CFDP1: variants seen among roughly 807,000 people sequenced by gnomAD.
CFDP1 encodes chromatin remodeling protein CFDP1, also known as heterochromatin-stabilizing protein CFDP1.
CFDP1 carries 31 observed loss-of-function variants against 40.1 expected under a neutral mutation model. The ratio of observed to expected loss-of-function variants is 0.77; its 90% confidence interval spans 0.58 to 1.04. The LOEUF is 1.04. Ranked by LOEUF, CFDP1 falls within the 50% of genes least tolerant of loss-of-function variation. CFDP1 has a pLI of 0.00. For missense variants in CFDP1, 423 were observed against 343.4 expected (o/e 1.23, Z -1.83); for synonymous variants, 167 against 120.0 (o/e 1.39, Z -2.56).
chr16:75,368,999 T>G (rs1377481550), intron 5 of CFDP1, among the ~76,000 whole-genome samples: 5 of 152,206 alleles, frequency 3.3e-5, no homozygotes, highest in African/African-American at 1.2e-4. Flanking sequence ...AATATTCCAA[T>G]ACTTGCACAA....
In CFDP1 at chr16:75,412,646, T is replaced by G; in HGVS notation, c.291A>C (p.Glu97Asp). The G allele has an allele frequency of 6.2e-7, 1 of 1,614,180 alleles. No individual in the cohort carries two copies. Among genetic ancestry groups the G allele is most frequent in the Admixed American group, 1.7e-5 (1 of 60,004 alleles). The change falls in exon 3 of 7, where the codon GAA (glutamate) becomes GAC (aspartate). Residue 97 changes from glutamate to aspartate, a missense_variant. Transcript: ENST00000283882. ...TGGCATCCTCTGATCCAATGCCTTT[T>G]TCCTGCTCTGCAGCGTCATCTTCCT... ...SEEEDDAAEQ[E>D]KGIGSEDARK...
intron 5 of CFDP1, among the ~76,000 whole-genome samples, chr16:75,312,955 G>C (rs1401456115): frequency 6.6e-6 from 1 of 152,200 alleles, no homozygotes; most frequent in Non-Finnish European, 1.5e-5. Flanking sequence ...TGAAGTGACA[G>C]TGAAATGGAC....
intron 1 of CFDP1, among the ~76,000 whole-genome samples, chr16:75,426,035 CAAAAAAAAAAAA>C (rs71134711): frequency 5.8e-5 from 2 of 34,478 alleles, no homozygotes; most frequent in Non-Finnish European, 9.4e-5. Context: ...CACTCTGTCT[CAAAAAAAAAAAA>C]AAAAAAAAAA....
At chr16:75,310,276 C>G (rs1190402278) in intron 5 of CFDP1, among the ~76,000 whole-genome samples, 1 of 152,124 alleles carries the variant, frequency 6.6e-6, no homozygotes, top group Non-Finnish European at 1.5e-5. Flanking sequence ...GTGAAAGAGA[C>G]ACTTATTTTC....
intron 5 of CFDP1, among the ~76,000 whole-genome samples, chr16:75,314,130 C>A (rs956258561): frequency 8.6e-5 from 13 of 152,024 alleles, no homozygotes; most frequent in African/African-American, 2.9e-4. Context: ...GGTGATCCTC[C>A]CGCCTCAGCC....
intron 4 of CFDP1, among the ~76,000 whole-genome samples, chr16:75,400,102 AAAAAAAAAAAAAAAAAAAGG>A (rs1417958672): frequency 1.3e-5 from 1 of 75,540 alleles, no homozygotes; most frequent in African/African-American, 7.7e-5. Context: ...ACTCCATCTC[AAAAAAAAAAAAAAAAAAAGG>A]AAAAAAAAAA....
intron 5 of CFDP1, among the ~76,000 whole-genome samples, chr16:75,384,988 T>C (rs963826693): frequency 2.0e-5 from 3 of 150,842 alleles, no homozygotes; most frequent in African/African-American, 4.9e-5. Flanking sequence ...TATATGTATA[T>C]ATTGTTTTCC....
chr16:75,372,650 G>A (rs2078762081), intron 5 of CFDP1: 1 of 152,158 alleles, frequency 6.6e-6, no homozygotes, highest in Admixed American at 6.5e-5. Context: ...CAATCTACTT[G>A]CTCAACTGTT....
intron 5 of CFDP1, chr16:75,372,676 A>G (rs2078762320): frequency 6.6e-6 from 1 of 151,994 alleles, no homozygotes; most frequent in African/African-American, 2.4e-5. Context: ...AGTTCATTCA[A>G]CTCTTCCTCC....
chr16:75,412,379 A>T (rs1211318052), intron 3 of CFDP1, among the ~76,000 whole-genome samples, 156 bp downstream of exon 3: 1 of 152,188 alleles, frequency 6.6e-6, no homozygotes, highest in Non-Finnish European at 1.5e-5. Context: ...AACTTACATG[A>T]TTAGAGAAGC....
At chr16:75,348,283 A>G (rs2078584243) in intron 5 of CFDP1, among the ~76,000 whole-genome samples, 1 of 152,182 alleles carries the variant, frequency 6.6e-6, no homozygotes, top group South Asian at 2.1e-4. Context: ...GGTGTGAACC[A>G]TGCTTGGCTC....
At chr16:75,406,270 G>T (rs543591159) in intron 4 of CFDP1, among the ~76,000 whole-genome samples, 1 of 152,066 alleles carries the variant, frequency 6.6e-6, no homozygotes, top group South Asian at 2.1e-4. Flanking sequence ...CCAGGTATCA[G>T]GGAGGCTGAG....
At chr16:75,394,680 T>TTTTG (rs2078981707) in intron 5 of CFDP1, 1 of 136,138 alleles carries the variant, frequency 7.3e-6, no homozygotes, top group African/African-American at 2.8e-5. Context: ...TTTTTTTTTT[T>TTTTG]TAAGAGACAG....
At chr16:75,359,037 C>T in intron 5 of CFDP1, among the ~76,000 whole-genome samples, 1 of 152,190 alleles carries the variant, frequency 6.6e-6, no homozygotes, top group East Asian at 1.9e-4. Context: ...TAGTAAAATA[C>T]TCCTTCCTTT....
At chr16:75,328,491 C>T (rs1409818422) in intron 5 of CFDP1, among the ~76,000 whole-genome samples, 5 of 143,372 alleles carry the variant, frequency 3.5e-5, no homozygotes, top group African/African-American at 1.0e-4. Flanking sequence ...CCAGCTACTT[C>T]GGGAGGCTGA....
At chr16:75,405,627 C>T (rs1020143221) in intron 4 of CFDP1, among the ~76,000 whole-genome samples, 14 of 151,852 alleles carry the variant, frequency 9.2e-5, no homozygotes, top group Admixed American at 3.3e-4. Context: ...TGGTGCGTGC[C>T]TGTAGTCCAG....
At chr16:75,413,345 C>G (rs891989589) in intron 2 of CFDP1, among the ~76,000 whole-genome samples, 1 of 152,110 alleles carries the variant, frequency 6.6e-6, no homozygotes, top group South Asian at 2.1e-4. Flanking sequence ...AAGGCCCACA[C>G]AGAGATTCCA....
chr16:75,320,627 C>G (rs185252967), intron 5 of CFDP1, among the ~76,000 whole-genome samples: 1 of 152,310 alleles, frequency 6.6e-6, no homozygotes, highest in East Asian at 1.9e-4. Context: ...GTGATTGACA[C>G]CCTCTCCTGG....
chr16:75,303,124 CG>C (rs1390508356), intron 6 of CFDP1, among the ~76,000 whole-genome samples: 1 of 148,806 alleles, frequency 6.7e-6, no homozygotes, highest in Non-Finnish European at 1.5e-5. Context: ...CGCTTGAACC[CG>C]GCAGGCAGAG....
Sources: allele counts gnomAD v4.1 joint callset (sites outside exome capture counted in the v4.1 genomes callset), GRCh38; gene constraint gnomAD v4.1.1; transcripts MANE v1.5; gene names NCBI Gene and HGNC (gene_info 2026-07-23, HGNC 2026-07-21).